The following TLE5 variants were observed in gnomAD, a reference collection of about 807,000 sequenced individuals.
The protein encoded by TLE5 is TLE family member 5.
TLE5 carries 7 observed loss-of-function variants against 25.8 expected under a neutral mutation model. The ratio of observed to expected loss-of-function variants is 0.27; its 90% CI spans 0.15 to 0.51. TLE5 has a LOEUF of 0.51. Among genes scored for constraint, TLE5 ranks in the 20% least tolerant of loss-of-function variants. The pLI is 0.97. For missense variants in TLE5, 149 were observed against 250.7 expected, an observed-to-expected ratio of 0.59 and a Z score of 2.74; for synonymous variants, 132 against 110.5, an observed-to-expected ratio of 1.20 and a Z score of -1.22.
chr19:3,057,546 A>G (rs1249289027), intron 3 of TLE5, 133 bp downstream of exon 3: 2 of 833,998 alleles, frequency 2.4e-6, no homozygotes, highest in Non-Finnish European at 3.9e-6. Context: ...GGCTGAATGG[A>G]GAACAGGCCC....
rs1201664899 is a variant in TLE5, at chr19:3,053,417, G to C, written c.*402C>G. Reference sequence around the variant, plus strand: ...ACGGGAAAGGGGCAGCTAGCATTGCGTGCATGCAGTACCAGGGTGAGAGGG... The same window carrying C: ...ACGGGAAAGGGGCAGCTAGCATTGCCTGCATGCAGTACCAGGGTGAGAGGG... On this transcript the variant is annotated 3_prime_UTR_variant, in exon 7 of 7. Transcript: ENST00000327141. The C allele has an allele frequency of 5.0e-6, 1 of 198,150 alleles. No homozygotes were observed. Among genetic ancestry groups the C allele is most frequent in the Non-Finnish European group, 1.0e-5 (1 of 96,824 alleles). 12.3% of individuals were successfully genotyped at this position (198,150 alleles called of 1,614,324 possible). A position where few individuals can be genotyped will look rare whatever the true frequency, so the allele number is the denominator to read the frequency against.
intron 3 of TLE5, 95 bp downstream of exon 3, chr19:3,057,584 G>A (rs1185936969): frequency 1.5e-5 from 19 of 1,230,378 alleles, no homozygotes; most frequent in Non-Finnish European, 2.3e-5. Context: ...AGGGGAGGTG[G>A]CCGGGGTTGA....
chr19:3,062,274 G>T lies in TLE5; in HGVS notation c.-74C>A. On this transcript the variant is annotated 5_prime_UTR_variant, in exon 1 of 7. Transcript: ENST00000327141. ...CTCGGGCTGCTGGGGGCGCCGGGCG[G>T]CCGCGCCTTTGTCCCGGCGCCGATC... is the stretch of plus-strand genomic sequence containing the variant. 1.2e-5 allele frequency: 12 copies of T among 1,019,630 alleles called. No homozygotes were observed. Among genetic ancestry groups the T allele is most frequent in the Non-Finnish European group, 1.3e-5 (11 of 852,710 alleles). The allele number at this position is 1,019,630 out of a possible 1,614,324, so 63.2% of individuals were successfully genotyped here. A position where few individuals can be genotyped will look rare whatever the true frequency, so the allele number is the denominator to read the frequency against.
chr19:3,055,884 C>A (rs757142027), intron 4 of TLE5, 158 bp from the exon 5 acceptor site: 8 of 713,922 alleles, frequency 1.1e-5, no homozygotes, highest in Non-Finnish European at 1.8e-5. Context: ...CGTGTTCGGG[C>A]CCGAGGGCAG....
chr19:3,057,568 C>T (rs1451471690), intron 3 of TLE5, 111 bp downstream of exon 3: 4 of 1,064,268 alleles, frequency 3.8e-6, no homozygotes, highest in South Asian at 1.3e-5. Context: ...GATCCTCGCG[C>T]TTCCCAGGGG....
chr19:3,058,998 G>A (rs2090242855), intron 2 of TLE5, among the ~76,000 whole-genome samples: 1 of 152,090 alleles, frequency 6.6e-6, no homozygotes, highest in African/African-American at 2.4e-5. Context: ...CGCAGGGTGG[G>A]GTGGAGAAGA....
At chr19:3,062,774 G>T, upstream of TLE5, 2 of 1,548,954 alleles carry the variant, frequency 1.3e-6, no homozygotes, top group Non-Finnish European at 1.7e-6. Flanking sequence ...GAAGCCGCCG[G>T]CCCTGCTGTG....
At chr19:3,054,522 C>G in intron 5 of TLE5, 1 of 463,752 alleles carries the variant, frequency 2.2e-6, no homozygotes, top group Non-Finnish European at 3.9e-6. Flanking sequence ...TGCACAGCCA[C>G]CTGCAAAGAT....
In TLE5 at chr19:3,055,572, G is replaced by A. The variant is rs1249904214; in HGVS notation, c.297+92C>T. On this transcript the variant is annotated intron_variant, in intron 5 of 6. Coordinates refer to ENST00000327141, the MANE Select transcript of TLE5 (RefSeq NM_001130.6). Reference sequence around the variant, plus strand: ...AGAGGGGAGGCGTGTGCCCTGGGGCGCCCAGCACACCACCCAAGATGGCTG... The same window carrying A: ...AGAGGGGAGGCGTGTGCCCTGGGGCACCCAGCACACCACCCAAGATGGCTG... The A allele has an allele frequency of 9.1e-6, 11 of 1,211,046 alleles. No homozygotes were observed. In the Admixed American group the frequency reaches 1.2e-4, roughly 13 times the overall value. The allele number at this position is 1,211,046 out of a possible 1,614,324, so 75.0% of individuals were successfully genotyped here.
chr19:3,053,632 A>C lies in TLE5; in HGVS notation c.*187T>G, dbSNP rs2145252842. On this transcript the variant is annotated 3_prime_UTR_variant, in exon 7 of 7. Coordinates refer to ENST00000327141, the MANE Select transcript of TLE5 (RefSeq NM_001130.6). ...CAGGGGAGGAGGAGGGAAGCCGGGA[A>C]TGGGGTAGGAAGAAAGCTAGAGGTG... 4.5e-5 allele frequency: 28 copies of C among 617,610 alleles called. No homozygotes were observed. The highest frequency in any genetic ancestry group is 6.2e-5 in the Non-Finnish European group (22 of 357,336). The allele number at this position is 617,610 out of a possible 1,614,324, so 38.3% of individuals were successfully genotyped here.
intron 2 of TLE5, among the ~76,000 whole-genome samples, chr19:3,059,933 G>A (rs2145264268): frequency 6.6e-6 from 1 of 152,154 alleles, no homozygotes; most frequent in East Asian, 1.9e-4. Flanking sequence ...TACGACAGTC[G>A]GACGACAGGA....
chr19:3,054,360 A>G, intron 5 of TLE5, 166 bp from the exon 6 acceptor site: 2 of 632,468 alleles, frequency 3.2e-6, no homozygotes, highest in South Asian at 1.9e-5. Context: ...CCTCTCTCCA[A>G]CTGCTTCCTT....
intron 3 of TLE5, chr19:3,056,600 G>A: frequency 1.5e-6 from 1 of 665,130 alleles, no homozygotes; most frequent in Non-Finnish European, 2.8e-6. Context: ...TGGAGACTGG[G>A]GGCACTTTAG....
intron 2 of TLE5, among the ~76,000 whole-genome samples, chr19:3,059,477 G>A (rs1310470180): frequency 4.6e-5 from 7 of 152,146 alleles, no homozygotes; most frequent in Non-Finnish European, 7.3e-5. Flanking sequence ...AGCCGAGATC[G>A]CGCCACTGCA....
chr19:3,059,333 C>G (rs957768217), intron 2 of TLE5, among the ~76,000 whole-genome samples: 1 of 151,968 alleles, frequency 6.6e-6, no homozygotes, highest in African/African-American at 2.4e-5. Context: ...ACCAGCCTGG[C>G]CAACATAACG....
At chr19:3,062,767 G>A (rs758939178), upstream of TLE5, 8 of 1,548,102 alleles carry the variant, frequency 5.2e-6, no homozygotes, top group Admixed American at 7.9e-5. Context: ...CCGCGTCGAA[G>A]CCGCCGGCCC....
chr19:3,053,811 GC>G lies in TLE5; in HGVS notation c.*7del. On this transcript the variant is annotated 3_prime_UTR_variant, in exon 7 of 7. Transcript: ENST00000327141. ...CCCCCCTCCCAACCTCCCTGTCCCG[GC>G]CCCCTGCTAATCCGACTTCTCGCCA... 1.9e-6 allele frequency: 3 copies of G among 1,612,266 alleles called. No individual in the cohort carries two copies. The highest frequency in any genetic ancestry group is 2.5e-6 in the Non-Finnish European group (3 of 1,179,550).
intron 2 of TLE5, among the ~76,000 whole-genome samples, chr19:3,059,772 C>A (rs1184005434): frequency 6.6e-6 from 1 of 152,152 alleles, no homozygotes; most frequent in East Asian, 1.9e-4. Context: ...TGATCCCTTC[C>A]CTGTGGAATC....
At chr19:3,060,116 C>A (rs1310009609) in intron 2 of TLE5, among the ~76,000 whole-genome samples, 1 of 151,918 alleles carries the variant, frequency 6.6e-6, no homozygotes, top group Admixed American at 6.6e-5. Context: ...AGAGAGGGCC[C>A]CAAGGCCAAA....
Sources: gnomAD v4.1 joint callset for allele counts (sites outside exome capture counted in the v4.1 genomes callset) on GRCh38, gnomAD v4.1.1 for gene constraint, MANE v1.5 for transcripts, NCBI Gene and HGNC (gene_info 2026-07-23, HGNC 2026-07-21) for gene names.